Variants in CCDC146 observed in about 807,000 individuals in gnomAD.
CCDC146 encodes coiled-coil domain-containing protein 146.
A neutral mutation model predicts 119.3 loss-of-function variants in CCDC146; 92 were observed. That is an observed-to-expected ratio of 0.77 (90% confidence interval 0.65 to 0.92). The LOEUF (loss-of-function observed/expected upper bound fraction) is 0.92, where lower values mean the gene tolerates loss of function less well. Among genes scored for constraint, CCDC146 ranks in the 40% least tolerant of loss-of-function variants. CCDC146 has a pLI of 0.00. For synonymous variants in CCDC146, 372 were observed against 371.8 expected, an observed-to-expected ratio of 1.00 and a Z score of -0.01; for missense variants, 1,000 against 1,103.0, an observed-to-expected ratio of 0.91 and a Z score of 1.32.
chr7:77,280,769 G>C lies in CCDC146; in HGVS notation c.1919+116G>C, dbSNP rs2150547117. ...GAAATGTGATATTCAGGTTGCATTA[G>C]CCTTTGGAGAGAAGGGACTGTGTGT... On this transcript the variant is annotated intron_variant, in intron 14 of 18. Coordinates refer to ENST00000285871, the MANE Select transcript of CCDC146 (RefSeq NM_020879.3). 7.0e-6 allele frequency: 5 copies of C among 716,566 alleles called. No individual in the cohort carries two copies. The South Asian group carries it at 9.7e-5, about 14-fold the overall frequency. The allele number at this position is 716,566 out of a possible 1,614,324, so 44.4% of individuals were successfully genotyped here.
chr7:77,154,862 C>A lies in CCDC146; in HGVS notation c.-11-12796C>A, dbSNP rs538503451. ...TCAAATGGTATTTCTAGTTCTAGATCCTTGAGGAATCGCCACACTGTCTTC... is the reference window on the plus strand; with the variant it reads ...TCAAATGGTATTTCTAGTTCTAGATACTTGAGGAATCGCCACACTGTCTTC... On this transcript the variant is annotated intron_variant, in intron 1 of 18. Transcript: ENST00000285871. Among the ~76,000 whole-genome samples, 58 of 152,086 alleles carry A rather than the reference C, an allele frequency of 3.8e-4. No homozygotes were observed. The East Asian group carries it at 0.01, about 27-fold the overall frequency.
At chr7:77,134,563 C>CTGTGTGTG (rs1554345524) in intron 1 of CCDC146, among the ~76,000 whole-genome samples, 208 of 139,406 alleles carry the variant, frequency 1.5e-3, no homozygotes, top group African/African-American at 4.6e-3. Context: ...GTGTGTGTGT[C>CTGTGTGTG]TGTGTGTGTG....
chr7:77,142,406 G>A (rs1184538679), intron 1 of CCDC146, among the ~76,000 whole-genome samples: 5 of 149,646 alleles, frequency 3.3e-5, no homozygotes, highest in Admixed American at 3.3e-4. Flanking sequence ...ATGTATACAT[G>A]TGCCATGTGT....
intron 9 of CCDC146, among the ~76,000 whole-genome samples, chr7:77,265,634 C>A (rs1437438023): frequency 1.3e-5 from 2 of 152,176 alleles, no homozygotes; most frequent in Non-Finnish European, 2.9e-5. Flanking sequence ...GACACATAAA[C>A]CTAATACACA....
At chr7:77,234,749 G>A (rs886180083) in intron 2 of CCDC146, among the ~76,000 whole-genome samples, 3 of 151,964 alleles carry the variant, frequency 2.0e-5, no homozygotes, top group Non-Finnish European at 4.4e-5. Context: ...GAAAAAAAAA[G>A]TTATAAATAA....
chr7:77,260,387 G>T, intron 8 of CCDC146, 151 bp downstream of exon 8: 3 of 581,586 alleles, frequency 5.2e-6, no homozygotes, highest in Non-Finnish European at 8.7e-6. Flanking sequence ...ATCAAATAAA[G>T]CACTTTGAAG....
At chr7:77,195,371 G>A (rs920302280) in intron 2 of CCDC146, 3 of 152,084 alleles carry the variant, frequency 2.0e-5, no homozygotes, top group Non-Finnish European at 2.9e-5. Context: ...GCTTTTTGGG[G>A]TGACATTATG....
chr7:77,184,534 T>A (rs756697851), intron 2 of CCDC146, among the ~76,000 whole-genome samples: 2 of 152,232 alleles, frequency 1.3e-5, no homozygotes, highest in Non-Finnish European at 2.9e-5. Flanking sequence ...AAATGACACA[T>A]TCTGAAAGAA....
intron 1 of CCDC146, among the ~76,000 whole-genome samples, chr7:77,160,270 A>G (rs1283934931): frequency 2.0e-5 from 3 of 152,270 alleles, no homozygotes; most frequent in South Asian, 2.1e-4. Context: ...TTGGTTCCAT[A>G]TGAACTTTAA....
chr7:77,185,724 A>C (rs115045047), intron 2 of CCDC146, among the ~76,000 whole-genome samples: 1,543 of 152,316 alleles, frequency 0.01, 25 homozygotes, highest in African/African-American at 0.035. Flanking sequence ...CATCCAGGAA[A>C]ACATGACGTC....
intron 15 of CCDC146, among the ~76,000 whole-genome samples, chr7:77,283,481 C>G (rs1206870335): frequency 6.6e-6 from 1 of 152,042 alleles, no homozygotes; most frequent in Non-Finnish European, 1.5e-5. Context: ...GTAGCAGGAA[C>G]AAATTCTAAC....
intron 9 of CCDC146, among the ~76,000 whole-genome samples, chr7:77,266,843 T>G (rs1331705525): frequency 2.0e-5 from 3 of 152,126 alleles, no homozygotes; most frequent in Admixed American, 2.0e-4. Flanking sequence ...GCTCAAGACA[T>G]TCAATGGATC....
At chr7:77,252,326 A>C (rs1213068170) in intron 4 of CCDC146, among the ~76,000 whole-genome samples, 1 of 152,228 alleles carries the variant, frequency 6.6e-6, no homozygotes, top group Non-Finnish European at 1.5e-5. Context: ...CAGATTCAAA[A>C]AGCTCAATGA....
At chr7:77,142,549 T>A (rs1009046228) in intron 1 of CCDC146, among the ~76,000 whole-genome samples, 1 of 152,072 alleles carries the variant, frequency 6.6e-6, no homozygotes, top group African/African-American at 2.4e-5. Flanking sequence ...TATCTCCTAA[T>A]GCTTTCCCTC....
At chr7:77,149,608 A>C (rs1358526100) in intron 1 of CCDC146, among the ~76,000 whole-genome samples, 4 of 152,026 alleles carry the variant, frequency 2.6e-5, no homozygotes, top group Non-Finnish European at 1.5e-5. Context: ...TCTACTAAAA[A>C]TACAAAAATT....
chr7:77,206,659 A>G (rs1343898640), intron 2 of CCDC146, among the ~76,000 whole-genome samples: 1 of 140,940 alleles, frequency 7.1e-6, no homozygotes. Flanking sequence ...ATATATATAT[A>G]TATATATATA....
rs1007041647 is a variant in CCDC146 at position 77,226,616 on chromosome 7, G to C, written c.157-10331G>C. ...CCTTCCAGTCACATAATTGCCAGCAGGGCAATTCAATAACACAGAATCTAT... is the reference window on the plus strand; with the variant it reads ...CCTTCCAGTCACATAATTGCCAGCACGGCAATTCAATAACACAGAATCTAT... On this transcript the variant is annotated intron_variant, in intron 2 of 18. Coordinates refer to ENST00000285871, the MANE Select transcript of CCDC146 (RefSeq NM_020879.3). Among the ~76,000 whole-genome samples the C allele has an allele frequency of 2.0e-5, 3 of 152,148 alleles. No homozygotes were observed. In the East Asian group the frequency reaches 5.8e-4, roughly 29 times the overall value.
At chr7:77,271,029 C>T (rs1415927694) in intron 9 of CCDC146, among the ~76,000 whole-genome samples, 1 of 145,656 alleles carries the variant, frequency 6.9e-6, no homozygotes, top group Non-Finnish European at 1.5e-5. Flanking sequence ...AGTGTGAGGA[C>T]TCCTGGATAC....
intron 2 of CCDC146, among the ~76,000 whole-genome samples, chr7:77,191,356 C>A (rs1266868094): frequency 6.6e-6 from 1 of 152,128 alleles, no homozygotes; most frequent in East Asian, 1.9e-4. Context: ...GCAGATTTGA[C>A]CCTACCCACT....
Sources: gnomAD v4.1 joint callset for allele counts (sites outside exome capture counted in the v4.1 genomes callset) on GRCh38, gnomAD v4.1.1 for gene constraint, MANE v1.5 for transcripts, NCBI Gene and HGNC (gene_info 2026-07-23, HGNC 2026-07-21) for gene names.